Variants in TRAPPC11 observed in about 807,000 individuals in gnomAD.
The protein encoded by TRAPPC11 is foie gras homolog.
TRAPPC11 carries 104 observed loss-of-function variants against 151.2 expected under a neutral mutation model. The observed-to-expected ratio is 0.69, with a 90% CI of 0.59 to 0.81. The LOEUF (loss-of-function observed/expected upper bound fraction) is 0.81. TRAPPC11 is among the 30% of genes least tolerant of loss of function. The pLI is 0.00. For missense variants in TRAPPC11, 1,230 were observed against 1,349.6 expected (o/e 0.91, Z 1.39); for synonymous variants, 456 against 472.3 (o/e 0.97, Z 0.45).
Position 183,697,510 on chromosome 4 carries a change from CTG to C in TRAPPC11, c.2638_2639del (p.Val880AsnfsTer3). 2 of 1,598,298 alleles carry C rather than the reference CTG, an allele frequency of 1.3e-6. No individual in the cohort carries two copies. Among genetic ancestry groups the C allele is most frequent in the South Asian group, 1.1e-5 (1 of 87,050 alleles). ...CTTTACATTTTCTTGCAGGATGAAA[CTG>C]TAACAATTGAAACAGTCTTTCCATT... On this transcript the variant is annotated frameshift_variant, in exon 24 of 30. Transcript: ENST00000334690. LOFTEE classifies it high-confidence loss of function.
At chr4:183,708,073 G>C (rs544734031) in intron 28 of TRAPPC11, among the ~76,000 whole-genome samples, 20 of 152,224 alleles carry the variant, frequency 1.3e-4, no homozygotes, top group Non-Finnish European at 2.8e-4. Flanking sequence ...TACATATTGT[G>C]AACATAAAAG....
intron 25 of TRAPPC11, among the ~76,000 whole-genome samples, chr4:183,698,782 C>T (rs1275064075): frequency 1.3e-5 from 2 of 152,162 alleles, no homozygotes; most frequent in Admixed American, 1.3e-4. Context: ...CGACCTTAGG[C>T]TGCCTGCATT....
chr4:183,663,862 G>A lies in TRAPPC11; in HGVS notation c.-6G>A, dbSNP rs113604435. 58,619 of 1,600,768 alleles carry A rather than the reference G, an allele frequency of 0.037. 1,425 individuals are homozygous for A. Among genetic ancestry groups the A allele is most frequent in the African/African-American group, 0.1 (7,484 of 74,116 alleles). ...TGTATTTCAGGTTTTTTGTGACATC[G>A]TAAACATGAGCCCCACACAGTGGGA... is the stretch of plus-strand genomic sequence containing the variant. On this transcript the variant is annotated 5_prime_UTR_variant, in exon 2 of 30. Transcript: ENST00000334690.
At chr4:183,668,727 T>G (rs555130525) in intron 5 of TRAPPC11, among the ~76,000 whole-genome samples, 111 of 152,334 alleles carry the variant, frequency 7.3e-4, no homozygotes, top group African/African-American at 2.6e-3. Context: ...AAAGGGCAGA[T>G]TACCTGGAGA....
rs868491445 is a variant in TRAPPC11 at position 183,686,235 on chromosome 4, C to G, written c.1763-383C>G. On this transcript the variant is annotated intron_variant, in intron 17 of 29. Coordinates refer to ENST00000334690, the MANE Select transcript of TRAPPC11 (RefSeq NM_021942.6). ...TACCACAACCTCCACCTCCTGGGTT[C>G]AAGTGATTCTTGTGCCTCAGCCTCC... Among the ~76,000 whole-genome samples, 137 of 152,310 alleles carry G rather than the reference C, an allele frequency of 9.0e-4. 2 individuals carry two copies. The highest frequency in any genetic ancestry group is 3.2e-3 in the African/African-American group (133 of 41,572).
chr4:183,704,598 G>A (rs979302192), intron 26 of TRAPPC11, among the ~76,000 whole-genome samples: 2 of 151,642 alleles, frequency 1.3e-5, no homozygotes, highest in African/African-American at 4.8e-5. Flanking sequence ...CGGATCACGA[G>A]GTCAGGAGAT....
intron 18 of TRAPPC11, among the ~76,000 whole-genome samples, chr4:183,691,076 T>TA (rs1736233603): frequency 1.3e-5 from 2 of 152,228 alleles, no homozygotes; most frequent in African/African-American, 4.8e-5. Flanking sequence ...AACAAACTGT[T>TA]TCTCTGGGAG....
At chr4:183,661,978 C>T (rs1307520940) in intron 1 of TRAPPC11, among the ~76,000 whole-genome samples, 3 of 151,802 alleles carry the variant, frequency 2.0e-5, no homozygotes, top group African/African-American at 7.3e-5. Flanking sequence ...TTTCCCAGGC[C>T]AGTCTTGAAC....
rs66913932 is a variant in TRAPPC11, at chr4:183,665,091, CTTT to C, written c.204+1039_204+1041del. Among the ~76,000 whole-genome samples, 287 of 106,412 alleles carry C rather than the reference CTTT, an allele frequency of 2.7e-3. 1 individual carries two copies. The highest frequency in any genetic ancestry group is 9.7e-3 in the African/African-American group (267 of 27,388). 69.8% of individuals were successfully genotyped at this position (106,412 alleles called of 152,430 possible). ...TCACACGATTATTTTTCTTTTCTTT[CTTT>C]TTTTTTTTTTTTTTTTTTGAGACGG... On this transcript the variant is annotated intron_variant, in intron 2 of 29. Coordinates refer to ENST00000334690, the MANE Select transcript of TRAPPC11 (RefSeq NM_021942.6).
chr4:183,676,362 C>T (rs1217974592), intron 7 of TRAPPC11, among the ~76,000 whole-genome samples: 1 of 152,110 alleles, frequency 6.6e-6, no homozygotes, highest in Non-Finnish European at 1.5e-5. Flanking sequence ...GTTGGCCATG[C>T]TGGTCTCGAA....
intron 7 of TRAPPC11, among the ~76,000 whole-genome samples, chr4:183,676,378 G>C (rs1735411624): frequency 6.6e-6 from 1 of 152,106 alleles, no homozygotes; most frequent in Non-Finnish European, 1.5e-5. Flanking sequence ...TCGAACTCCT[G>C]ACCTCAGGTG....
At chr4:183,669,975 A>G (rs781044497) in intron 5 of TRAPPC11, among the ~76,000 whole-genome samples, 3 of 152,252 alleles carry the variant, frequency 2.0e-5, no homozygotes, top group Non-Finnish European at 4.4e-5. Flanking sequence ...CCCTGGGTCC[A>G]TAGCCTCCAG....
chr4:183,707,052 T>G, intron 28 of TRAPPC11, 112 bp downstream of exon 28: 1 of 1,326,584 alleles, frequency 7.5e-7, no homozygotes. Context: ...GTGGTCCCTG[T>G]TGTTTTGGTA....
intron 1 of TRAPPC11, among the ~76,000 whole-genome samples, chr4:183,660,437 GATA>G (rs1734419824): frequency 6.6e-6 from 1 of 152,150 alleles, no homozygotes; most frequent in Non-Finnish European, 1.5e-5. Flanking sequence ...TTGTCAGTAT[GATA>G]ATATTTTGGA....
intron 27 of TRAPPC11, among the ~76,000 whole-genome samples, chr4:183,706,307 A>ACGT (rs1324952777): frequency 6.6e-6 from 1 of 152,154 alleles, no homozygotes; most frequent in Non-Finnish European, 1.5e-5. Flanking sequence ...GTGGATCACG[A>ACGT]GGTCAGGAGA....
intron 5 of TRAPPC11, among the ~76,000 whole-genome samples, chr4:183,670,033 A>T (rs1735075198): frequency 6.6e-6 from 1 of 152,246 alleles, no homozygotes; most frequent in Non-Finnish European, 1.5e-5. Context: ...ATTGGAGATG[A>T]GGAAACTCAT....
chr4:183,694,945 CTTTTTTTTTTTT>C (rs34556587), intron 23 of TRAPPC11, among the ~76,000 whole-genome samples: 1 of 119,858 alleles, frequency 8.3e-6, no homozygotes, highest in Non-Finnish European at 1.7e-5. Context: ...TATGGCTTTT[CTTTTTTTTTTTT>C]TTTTTTTTGA....
chr4:183,687,057 T>A (rs1418347617), intron 18 of TRAPPC11, among the ~76,000 whole-genome samples: 2 of 152,148 alleles, frequency 1.3e-5, no homozygotes, highest in African/African-American at 4.8e-5. Context: ...GGCACGTGCC[T>A]GTAGTCCCAG....
chr4:183,684,479 C>T lies in TRAPPC11; in HGVS notation c.1421+120C>T. The T allele has an allele frequency of 2.8e-6, 3 of 1,074,944 alleles. No individual in the cohort carries two copies. The South Asian group carries it at 4.7e-5, about 17-fold the overall frequency. 66.6% of individuals were successfully genotyped at this position (1,074,944 alleles called of 1,614,324 possible). ...ATTTATTTCTATTGTTGTTAAACTC[C>T]ATTTCTGTAATGTTTTTTTCAAGTG... On this transcript the variant is annotated intron_variant, in intron 14 of 29. Transcript: ENST00000334690.
Sources: allele counts gnomAD v4.1 joint callset (sites outside exome capture counted in the v4.1 genomes callset), GRCh38; gene constraint gnomAD v4.1.1; transcripts MANE v1.5; gene names NCBI Gene and HGNC (gene_info 2026-07-23, HGNC 2026-07-21).